The following LSAMP variants were observed in gnomAD, a reference collection of about 807,000 sequenced individuals.
The protein encoded by LSAMP is limbic system-associated membrane protein.
In LSAMP, 7 loss-of-function variants were observed where a neutral mutation model predicts 38.6. The ratio of observed to expected loss-of-function variants is 0.18; its 90% CI spans 0.10 to 0.34. LSAMP has a LOEUF of 0.34. LSAMP is among the 10% of genes least tolerant of loss of function. The pLI is 1.00. For synonymous variants in LSAMP, 154 were observed against 166.8 expected (o/e 0.92, Z 0.59); for missense variants, 313 against 420.0 (o/e 0.75, Z 2.23).
At chr3:116,044,147 C>T (rs1310293260) in intron 2 of LSAMP, among the ~76,000 whole-genome samples, 8 of 152,130 alleles carry the variant, frequency 5.3e-5, no homozygotes, top group Non-Finnish European at 1.2e-4. Context: ...GGAAAATGCT[C>T]AGGCTTGATT....
At chr3:115,830,369 C>T (rs1466810869) in intron 6 of LSAMP, among the ~76,000 whole-genome samples, 2 of 152,058 alleles carry the variant, frequency 1.3e-5, no homozygotes, top group African/African-American at 4.8e-5. Context: ...ATTTAAAATC[C>T]ATTGAAAAGA....
rs369597774 is a variant in LSAMP, at chr3:115,854,284, T to TATTATTA, written c.515-1668_515-1667insTAATAAT. On this transcript the variant is annotated intron_variant, in intron 3 of 6. Transcript: ENST00000490035. ...TTATTATTATTATTATTATTATTATTTTTTTTTTTTTTTTTTGAGATGGAG... is the reference window on the plus strand; with the variant it reads ...TTATTATTATTATTATTATTATTATTATTATTATTTTTTTTTTTTTTTTGAGATGGAG... Among the ~76,000 whole-genome samples the TATTATTA allele has an allele frequency of 6.9e-4, 59 of 85,022 alleles. 1 individual carries two copies. The highest frequency in any genetic ancestry group is 1.7e-3 in the South Asian group (5 of 2,914). 55.8% of individuals were successfully genotyped at this position (85,022 alleles called of 152,430 possible). A position where few individuals can be genotyped will look rare whatever the true frequency, so the allele number is the denominator to read the frequency against.
intron 1 of LSAMP, among the ~76,000 whole-genome samples, chr3:116,429,464 C>A (rs2049250315): frequency 6.6e-6 from 1 of 151,808 alleles, no homozygotes; most frequent in Admixed American, 6.6e-5. Context: ...GAACAGAAAA[C>A]CAGAAATGCA....
chr3:116,226,984 G>A (rs980195266), intron 1 of LSAMP, among the ~76,000 whole-genome samples: 3 of 151,950 alleles, frequency 2.0e-5, no homozygotes, highest in Admixed American at 2.0e-4. Flanking sequence ...TTCTGATTTT[G>A]TCTGTCCCTG....
chr3:116,439,911 T>C (rs568068948), intron 1 of LSAMP, among the ~76,000 whole-genome samples: 1 of 152,166 alleles, frequency 6.6e-6, no homozygotes, highest in Non-Finnish European at 1.5e-5. Flanking sequence ...TTAGTAAAGA[T>C]GGGGTTTCAC....
intron 2 of LSAMP, among the ~76,000 whole-genome samples, chr3:116,061,098 A>G (rs1941586732): frequency 6.6e-6 from 1 of 152,112 alleles, no homozygotes; most frequent in Non-Finnish European, 1.5e-5. Flanking sequence ...AACATACTTT[A>G]ATCACATTTC....
At chr3:116,243,355 C>T (rs2046564059) in intron 1 of LSAMP, among the ~76,000 whole-genome samples, 1 of 152,180 alleles carries the variant, frequency 6.6e-6, no homozygotes, top group Non-Finnish European at 1.5e-5. Flanking sequence ...GAAAGTCAAA[C>T]TCCTGCCAGG....
chr3:116,159,322 T>C (rs1709828105), intron 1 of LSAMP, among the ~76,000 whole-genome samples: 1 of 152,274 alleles, frequency 6.6e-6, no homozygotes. Context: ...ACAGACAACC[T>C]ATAGAATGGG....
At chr3:116,155,724 G>A (rs1224277838) in intron 1 of LSAMP, among the ~76,000 whole-genome samples, 2 of 150,146 alleles carry the variant, frequency 1.3e-5, no homozygotes, top group African/African-American at 2.4e-5. Flanking sequence ...CAAGATGAAA[G>A]CTCTGTAAGT....
At chr3:116,176,739 G>A (rs1334377616) in intron 1 of LSAMP, among the ~76,000 whole-genome samples, 1 of 152,042 alleles carries the variant, frequency 6.6e-6, no homozygotes, top group African/African-American at 2.4e-5. Flanking sequence ...ATAAATCCTG[G>A]GTCATTTTTT....
At chr3:116,149,797 A>T (rs537640138) in intron 1 of LSAMP, among the ~76,000 whole-genome samples, 1 of 152,022 alleles carries the variant, frequency 6.6e-6, no homozygotes, top group South Asian at 2.1e-4. Context: ...TTGAATAAAT[A>T]TCTTTCATAA....
intron 1 of LSAMP, among the ~76,000 whole-genome samples, chr3:116,322,888 A>G (rs1209319633): frequency 1.3e-5 from 2 of 151,584 alleles, no homozygotes; most frequent in African/African-American, 2.4e-5. Flanking sequence ...TGTAAATTGT[A>G]TCAAGCTAGC....
intron 1 of LSAMP, among the ~76,000 whole-genome samples, chr3:116,222,278 A>C (rs1033546601): frequency 4.7e-5 from 7 of 150,478 alleles, no homozygotes; most frequent in South Asian, 2.1e-4. Flanking sequence ...AAAAAAAAAA[A>C]AACCAAATCA....
chr3:115,885,636 G>C (rs1936433115), intron 3 of LSAMP, among the ~76,000 whole-genome samples: 1 of 150,470 alleles, frequency 6.6e-6, no homozygotes, highest in Non-Finnish European at 1.5e-5. Flanking sequence ...TGTGTGTGGG[G>C]GTGGGTGGGG....
At chr3:115,887,499 G>T (rs1179495524) in intron 3 of LSAMP, among the ~76,000 whole-genome samples, 1 of 151,884 alleles carries the variant, frequency 6.6e-6, no homozygotes, top group African/African-American at 2.4e-5. Context: ...TGACTCAAAT[G>T]TTGCTCTTTT....
chr3:116,210,583 G>A (rs1045316273), intron 1 of LSAMP, among the ~76,000 whole-genome samples: 1 of 152,122 alleles, frequency 6.6e-6, no homozygotes, highest in African/African-American at 2.4e-5. Flanking sequence ...TTTGGGACTC[G>A]GACTGGCTTC....
At chr3:116,378,617 A>C (rs992672221) in intron 1 of LSAMP, among the ~76,000 whole-genome samples, 2 of 152,036 alleles carry the variant, frequency 1.3e-5, no homozygotes, top group African/African-American at 4.8e-5. Context: ...TTGGCACTGA[A>C]AATGCTGAGC....
intron 1 of LSAMP, among the ~76,000 whole-genome samples, chr3:116,277,040 AGGCAGTAGT>A (rs2047064171): frequency 6.6e-6 from 1 of 152,242 alleles, no homozygotes; most frequent in African/African-American, 2.4e-5. Context: ...TCAAGAACAG[AGGCAGTAGT>A]GGCAGTAGGA....
intron 1 of LSAMP, among the ~76,000 whole-genome samples, chr3:116,233,862 T>C (rs2046433291): frequency 6.6e-6 from 1 of 152,224 alleles, no homozygotes; most frequent in Non-Finnish European, 1.5e-5. Flanking sequence ...GTTCAATTTT[T>C]AACAGTCACA....
Sources: allele counts gnomAD v4.1 joint callset (sites outside exome capture counted in the v4.1 genomes callset), GRCh38; gene constraint gnomAD v4.1.1; transcripts MANE v1.5; gene names NCBI Gene and HGNC (gene_info 2026-07-23, HGNC 2026-07-21).